The following DPYD variants were observed in gnomAD, a reference collection of about 807,000 sequenced individuals.
The protein encoded by DPYD is dihydropyrimidine dehydrogenase [NADP(+)].
DPYD carries 109 observed loss-of-function variants against 116.2 expected under a neutral mutation model. The observed-to-expected ratio is 0.94, with a 90% CI of 0.80 to 1.10. The LOEUF is 1.10. Ranked by LOEUF, DPYD falls within the 50% of genes least tolerant of loss-of-function variation. DPYD has a pLI of 0.00. For missense variants in DPYD, 1,302 were observed against 1,254.5 expected (o/e 1.04, Z -0.57); for synonymous variants, 440 against 432.0 (o/e 1.02, Z -0.23).
chr1:97,250,427 T>C (rs999318648), intron 18 of DPYD, among the ~76,000 whole-genome samples: 3 of 152,166 alleles, frequency 2.0e-5, no homozygotes, highest in Non-Finnish European at 4.4e-5. Flanking sequence ...TAAAAAAGTA[T>C]ATGTACAAAA....
chr1:97,686,447 T>C (rs1439415541), intron 7 of DPYD, among the ~76,000 whole-genome samples: 7 of 151,200 alleles, frequency 4.6e-5, no homozygotes, highest in Admixed American at 1.3e-4. Flanking sequence ...CCATCCTGGC[T>C]AACACGGTGA....
In DPYD at chr1:97,143,385, T is replaced by C. The variant is rs139391715; in HGVS notation, c.2623-44753A>G. On this transcript the variant is annotated intron_variant, in intron 20 of 22. Transcript: ENST00000370192. ...ACATCTGACCACTCAGAGCAAATTATTTGAACTTCTAAGTGAATTAACCCA... is the reference window on the plus strand; with the variant it reads ...ACATCTGACCACTCAGAGCAAATTACTTGAACTTCTAAGTGAATTAACCCA... Among the ~76,000 whole-genome samples, 279 of 152,210 alleles carry C rather than the reference T, an allele frequency of 1.8e-3. 3 individuals are homozygous for C. The highest frequency in any genetic ancestry group is 6.0e-3 in the African/African-American group (250 of 41,556).
chr1:97,406,866 A>G (rs11165863), intron 14 of DPYD, among the ~76,000 whole-genome samples: 37,477 of 152,054 alleles, frequency 0.25, 4,752 homozygotes, highest in South Asian at 0.4. Flanking sequence ...CTAAAGTCAT[A>G]AGATTTGAAT....
At chr1:97,666,428 G>A (rs1659560779) in intron 8 of DPYD, among the ~76,000 whole-genome samples, 1 of 151,878 alleles carries the variant, frequency 6.6e-6, no homozygotes, top group Admixed American at 6.6e-5. Context: ...CAAAATGCTG[G>A]GATTACAGGC....
At chr1:97,263,674 C>T (rs534459110) in intron 18 of DPYD, among the ~76,000 whole-genome samples, 7 of 152,170 alleles carry the variant, frequency 4.6e-5, no homozygotes, top group African/African-American at 1.4e-4. Flanking sequence ...AAGTATAATA[C>T]ATGATATGAA....
chr1:97,441,400 T>TTGCGTGTG (rs1279149645), intron 14 of DPYD, among the ~76,000 whole-genome samples: 1 of 152,118 alleles, frequency 6.6e-6, no homozygotes, highest in African/African-American at 2.4e-5. Context: ...CTTTCTCTGT[T>TTGCGTGTG]TGCGTGTGTG....
At chr1:97,670,897 T>C (rs1659826831) in intron 8 of DPYD, among the ~76,000 whole-genome samples, 1 of 152,172 alleles carries the variant, frequency 6.6e-6, no homozygotes, top group Non-Finnish European at 1.5e-5. Flanking sequence ...GTTTTACTTC[T>C]CTAATTTAGG....
intron 20 of DPYD, among the ~76,000 whole-genome samples, chr1:97,132,245 C>G (rs991454100): frequency 2.0e-5 from 3 of 152,058 alleles, no homozygotes; most frequent in African/African-American, 7.2e-5. Context: ...TCGTTCCTGG[C>G]GTTAATACTT....
intron 18 of DPYD, among the ~76,000 whole-genome samples, chr1:97,286,974 C>A (rs142851641): frequency 2.0e-5 from 3 of 152,202 alleles, no homozygotes; most frequent in Admixed American, 2.0e-4. Flanking sequence ...GAACTGCGTT[C>A]CATTGGAGGA....
At chr1:97,487,966 G>A (rs1447668694) in intron 13 of DPYD, among the ~76,000 whole-genome samples, 1 of 152,062 alleles carries the variant, frequency 6.6e-6, no homozygotes, top group Non-Finnish European at 1.5e-5. Flanking sequence ...AACAAAAGGA[G>A]TACACAAATT....
intron 12 of DPYD, among the ~76,000 whole-genome samples, chr1:97,531,611 G>A (rs1235779443): frequency 6.6e-6 from 1 of 151,956 alleles, no homozygotes; most frequent in Non-Finnish European, 1.5e-5. Flanking sequence ...TGTTATTTGG[G>A]TATTTTGTGG....
At chr1:97,365,774 C>T (rs1049365720) in intron 16 of DPYD, among the ~76,000 whole-genome samples, 2 of 152,084 alleles carry the variant, frequency 1.3e-5, no homozygotes, top group Admixed American at 6.6e-5. Context: ...AACACAGGTG[C>T]ACACCACCAT....
At chr1:97,394,008 A>T (rs1672868626) in intron 14 of DPYD, 1 of 152,000 alleles carries the variant, frequency 6.6e-6, no homozygotes, top group Non-Finnish European at 1.5e-5. Context: ...ATGGTATCTC[A>T]TTGTGGTTTT....
In DPYD at chr1:97,382,393, C is replaced by A; in HGVS notation, c.1974G>T (p.Glu658Asp). The stretch of plus-strand genomic sequence containing the variant: ...AAATATATACTAAAGTAACCATTAC[C>A]TCAGACTTCTTGGCAAGTTCCGTCC... ...NDWTELAKKS[E>D]DSGADALELN... The change falls in exon 15 of 23, where the codon GAG becomes GAT. Residue 658 changes from glutamate to aspartate, a missense_variant and splice_region_variant. Transcript: ENST00000370192. The A allele has an allele frequency of 9.5e-6, 15 of 1,584,824 alleles. No homozygotes were observed. Among genetic ancestry groups the A allele is most frequent in the Non-Finnish European group, 1.3e-5 (15 of 1,160,572 alleles).
At chr1:97,401,830 T>C (rs1320409025) in intron 14 of DPYD, among the ~76,000 whole-genome samples, 1 of 152,148 alleles carries the variant, frequency 6.6e-6, no homozygotes, top group Non-Finnish European at 1.5e-5. Flanking sequence ...TCTAGATTAA[T>C]TTTTTGTTGC....
At chr1:97,555,821 A>G (rs1278732940) in intron 11 of DPYD, among the ~76,000 whole-genome samples, 1 of 152,154 alleles carries the variant, frequency 6.6e-6, no homozygotes, top group Non-Finnish European at 1.5e-5. Context: ...CTGACCTGGT[A>G]GGAATTTTGC....
intron 12 of DPYD, among the ~76,000 whole-genome samples, chr1:97,519,109 G>A (rs1648453558): frequency 6.6e-6 from 1 of 151,960 alleles, no homozygotes; most frequent in African/African-American, 2.4e-5. Flanking sequence ...TAGATTTGAA[G>A]GTAAACTAAA....
chr1:97,378,658 T>G (rs958440338), intron 15 of DPYD, among the ~76,000 whole-genome samples: 1 of 152,224 alleles, frequency 6.6e-6, no homozygotes, highest in Non-Finnish European at 1.5e-5. Flanking sequence ...GGCTTCCTTT[T>G]TGTTTGTCAC....
intron 8 of DPYD, among the ~76,000 whole-genome samples, chr1:97,606,538 G>A (rs1353502446): frequency 6.6e-6 from 1 of 152,030 alleles, no homozygotes; most frequent in South Asian, 2.1e-4. Context: ...TGGGGTATGA[G>A]TTCAATCTGA....
Sources: allele counts gnomAD v4.1 joint callset (sites outside exome capture counted in the v4.1 genomes callset), GRCh38; gene constraint gnomAD v4.1.1; transcripts MANE v1.5; gene names NCBI Gene and HGNC (gene_info 2026-07-23, HGNC 2026-07-21).